Variants in RGS5 observed in about 807,000 individuals in gnomAD.
RGS5 encodes the protein regulator of G protein signaling 5, also known as regulator of G-protein signalling 5.
In RGS5, 20 loss-of-function variants were observed where a neutral mutation model predicts 18.9. The ratio of observed to expected loss-of-function variants is 1.06; its 90% CI spans 0.74 to 1.54. The LOEUF (loss-of-function observed/expected upper bound fraction) is 1.54, where lower values mean the gene tolerates loss of function less well. Among genes scored for constraint, RGS5 ranks in the 40% most tolerant of loss-of-function variants. The pLI is 0.00. For synonymous variants in RGS5, 57 were observed against 76.2 expected, an observed-to-expected ratio of 0.75 and a Z score of 1.31; for missense variants, 201 against 211.8, an observed-to-expected ratio of 0.95 and a Z score of 0.32.
upstream of RGS5, chr1:163,217,748 C>A: frequency 9.7e-7 from 1 of 1,029,536 alleles, no homozygotes; most frequent in African/African-American, 1.6e-5. Flanking sequence ...GTATCCTGAA[C>A]CTGAATTCTA....
chr1:163,177,388 T>A (rs1048323021), intron 1 of RGS5, among the ~76,000 whole-genome samples: 14 of 152,334 alleles, frequency 9.2e-5, no homozygotes, highest in Admixed American at 7.2e-4. Flanking sequence ...ACTAGGACTT[T>A]ATTGAGATTA....
chr1:163,247,874 C>T (rs1354857315), intron 2 of RGS5, among the ~76,000 whole-genome samples: 6 of 152,052 alleles, frequency 3.9e-5, no homozygotes, highest in Non-Finnish European at 7.4e-5. Context: ...TGGCCCATGG[C>T]GGATGATCAA....
chr1:163,154,039 T>C (rs1191091672), intron 3 of RGS5, among the ~76,000 whole-genome samples: 1 of 152,214 alleles, frequency 6.6e-6, no homozygotes, highest in Non-Finnish European at 1.5e-5. Flanking sequence ...AGGATTATTG[T>C]CACCAGTACT....
chr1:163,173,940 G>C (rs764100568), intron 1 of RGS5, among the ~76,000 whole-genome samples: 1 of 152,102 alleles, frequency 6.6e-6, no homozygotes, highest in Non-Finnish European at 1.5e-5. Flanking sequence ...AGCCAAGCGT[G>C]GTGGCAGGCA....
intron 2 of RGS5, among the ~76,000 whole-genome samples, chr1:163,256,999 A>G (rs1648290900): frequency 6.6e-6 from 1 of 152,208 alleles, no homozygotes; most frequent in South Asian, 2.1e-4. Flanking sequence ...CTTTTTCATC[A>G]TAATAATTCA....
At chr1:163,251,783 G>A (rs1181354607) in intron 2 of RGS5, among the ~76,000 whole-genome samples, 1 of 152,068 alleles carries the variant, frequency 6.6e-6, no homozygotes, top group African/African-American at 2.4e-5. Flanking sequence ...ATAGTCTTTT[G>A]AGATTGACTT....
rs144239072 is a variant in RGS5, at chr1:163,319,511, A to G, written c.-378+2111T>C. ...CAGGGAAATTACTGATGATAAATTAAAGGATTGTCAGGAATCAGGGAAAGA... is the reference window on the plus strand; with the variant it reads ...CAGGGAAATTACTGATGATAAATTAGAGGATTGTCAGGAATCAGGGAAAGA... On this transcript the variant is annotated intron_variant, in intron 1 of 5. Transcript: ENST00000618415. Among the ~76,000 whole-genome samples, 79 of 152,334 alleles carry G rather than the reference A, an allele frequency of 5.2e-4. No individual in the cohort carries two copies. In the East Asian group the frequency reaches 0.014, roughly 27 times the overall value.
Position 163,147,975 on chromosome 1 carries a change from C to G in RGS5, c.385-472G>C, listed in dbSNP as rs182374899. ...AGTCTAGTTCTGTCACTCAGGCAGG[C>G]TGGAGTGCAGTGGCGCCATTTGGTT... On this transcript the variant is annotated intron_variant, in intron 4 of 4. Transcript: ENST00000313961. Among the ~76,000 whole-genome samples, 566 of 129,648 alleles carry G rather than the reference C, an allele frequency of 4.4e-3. 2 individuals are homozygous for G. Among genetic ancestry groups the G allele is most frequent in the African/African-American group, 0.017 (547 of 32,070 alleles). 85.1% of individuals were successfully genotyped at this position (129,648 alleles called of 152,430 possible).
At chr1:163,295,646 T>C (rs1374319866) in intron 2 of RGS5, among the ~76,000 whole-genome samples, 2 of 152,180 alleles carry the variant, frequency 1.3e-5, no homozygotes, top group Non-Finnish European at 2.9e-5. Flanking sequence ...CCTCTCTCTT[T>C]CCAAGATTCT....
intron 1 of RGS5, among the ~76,000 whole-genome samples, chr1:163,316,424 G>A (rs7556645): frequency 0.42 from 63,163 of 151,922 alleles, 13,614 homozygotes; most frequent in South Asian, 0.5. Flanking sequence ...TGCTATTACT[G>A]TTCATAATTC....
At chr1:163,231,822 A>G (rs1231544039) in intron 2 of RGS5, among the ~76,000 whole-genome samples, 2 of 151,680 alleles carry the variant, frequency 1.3e-5, no homozygotes, top group Non-Finnish European at 2.9e-5. Flanking sequence ...TACTTCATTC[A>G]AAGCAATAGG....
chr1:163,314,560 C>CA (rs552982039), intron 1 of RGS5, among the ~76,000 whole-genome samples: 2,207 of 150,784 alleles, frequency 0.015, 57 homozygotes, highest in African/African-American at 0.049. Context: ...ACAACAACAA[C>CA]AACAAAAAAA....
intron 2 of RGS5, among the ~76,000 whole-genome samples, chr1:163,283,507 G>A (rs1490295817): frequency 6.6e-6 from 1 of 152,050 alleles, no homozygotes; most frequent in Non-Finnish European, 1.5e-5. Context: ...AGGCTCTAAG[G>A]TATCTCCCCT....
intron 1 of RGS5, chr1:163,172,580 C>T: frequency 6.5e-7 from 1 of 1,549,860 alleles, no homozygotes; most frequent in South Asian, 1.2e-5. Context: ...TTACTCTTTT[C>T]CTCATATTTG....
intron 2 of RGS5, among the ~76,000 whole-genome samples, chr1:163,265,488 T>C (rs910516033): frequency 6.6e-6 from 1 of 152,176 alleles, no homozygotes; most frequent in East Asian, 1.9e-4. Context: ...CTTTTCTTTT[T>C]AAACTCCTTT....
intron 1 of RGS5, among the ~76,000 whole-genome samples, chr1:163,318,638 G>A (rs921453601): frequency 1.3e-5 from 2 of 152,094 alleles, no homozygotes; most frequent in Non-Finnish European, 2.9e-5. Context: ...ACAACTCAAG[G>A]TTGGAACTTT....
In RGS5 at chr1:163,285,265, T is replaced by C. The variant is rs147583563; in HGVS notation, c.-281+20968A>G. Among the ~76,000 whole-genome samples, 17 of 152,236 alleles carry C rather than the reference T, an allele frequency of 1.1e-4. No homozygotes were observed. In the East Asian group the frequency reaches 3.1e-3, roughly 28 times the overall value. ...CCCAAGGACAATCCCCTTTAAAGTA[T>C]TGATATGGGCTGGGCACAGTGGCTC... is the stretch of plus-strand genomic sequence containing the variant. On this transcript the variant is annotated intron_variant, in intron 2 of 5. Coordinates refer to the RGS5 transcript ENST00000618415.
chr1:163,205,122 C>A (rs528933412), upstream of RGS5, among the ~76,000 whole-genome samples: 1 of 151,948 alleles, frequency 6.6e-6, no homozygotes, highest in East Asian at 1.9e-4. Context: ...AGAGTGTGCT[C>A]TAGAGGCAGA....
At chr1:163,173,720 A>G in intron 1 of RGS5, among the ~76,000 whole-genome samples, 1 of 152,226 alleles carries the variant, frequency 6.6e-6, no homozygotes, top group African/African-American at 2.4e-5. Context: ...TAAAACACAT[A>G]TATGTAAACT....
Sources: allele counts gnomAD v4.1 joint callset (sites outside exome capture counted in the v4.1 genomes callset), GRCh38; gene constraint gnomAD v4.1.1; transcripts MANE v1.5; gene names NCBI Gene and HGNC (gene_info 2026-07-23, HGNC 2026-07-21).